CPNE9: variants seen among roughly 807,000 people sequenced by gnomAD.
The protein encoded by CPNE9 is copine-9.
Under a neutral mutation model 83.0 loss-of-function variants are expected in CPNE9, and 59 were observed. The ratio of observed to expected loss-of-function variants is 0.71; its 90% confidence interval spans 0.58 to 0.88. CPNE9 has a LOEUF of 0.88. Among genes scored for constraint, CPNE9 ranks in the 40% least tolerant of loss-of-function variants. The probability of loss-of-function intolerance (pLI) is 0.00; values close to 1 mark genes in which losing one functional copy is unlikely to be tolerated. For synonymous variants in CPNE9, 256 were observed against 273.4 expected (o/e 0.94, Z 0.63); for missense variants, 619 against 720.8 (o/e 0.86, Z 1.62).
intron 17 of CPNE9, among the ~76,000 whole-genome samples, chr3:9,722,834 T>C (rs1286898619): frequency 6.6e-6 from 1 of 152,140 alleles, no homozygotes; most frequent in African/African-American, 2.4e-5. Flanking sequence ...TAGTTCTACA[T>C]GTAACTCCTC....
At chr3:9,725,896 T>C in intron 17 of CPNE9, 53 bp from the exon 18 acceptor site, 1 of 1,373,264 alleles carries the variant, frequency 7.3e-7, no homozygotes, top group Non-Finnish European at 1.0e-6. Context: ...GGGTAAGGTG[T>C]TCCCTTGGCC....
intron 10 of CPNE9, among the ~76,000 whole-genome samples, 173 bp from the exon 11 acceptor site, chr3:9,714,741 C>T (rs1016805351): frequency 1.3e-5 from 2 of 149,684 alleles, no homozygotes. Flanking sequence ...TGGTTGGGTA[C>T]AGGCACAGAC....
intron 10 of CPNE9, 25 bp downstream of exon 10, chr3:9,713,104 G>A (rs759542389): frequency 3.8e-6 from 6 of 1,559,110 alleles, no homozygotes; most frequent in Non-Finnish European, 4.4e-6. Context: ...AAGCTGGGGA[G>A]TAAGGAGCCA....
At chr3:9,712,681 A>G in intron 8 of CPNE9, 44 bp from the exon 9 acceptor site, 1 of 1,607,008 alleles carries the variant, frequency 6.2e-7, no homozygotes, top group Non-Finnish European at 8.5e-7. Flanking sequence ...TCTGAAGGCT[A>G]TGGACAATTG....
At chr3:9,724,222 G>A (rs1219402926) in intron 17 of CPNE9, among the ~76,000 whole-genome samples, 1 of 142,844 alleles carries the variant, frequency 7.0e-6, no homozygotes, top group Admixed American at 7.1e-5. Context: ...GCAAAATAAA[G>A]GGACTGGACT....
At chr3:9,711,296 G>A (rs997872058) in intron 7 of CPNE9, among the ~76,000 whole-genome samples, 8 of 152,176 alleles carry the variant, frequency 5.3e-5, no homozygotes, top group South Asian at 4.2e-4. Flanking sequence ...TCTGCTTCCC[G>A]GGTTCAAGCG....
Position 9,716,044 on chromosome 3 carries a change from C to T in CPNE9, c.884+9C>T, listed in dbSNP as rs997633501. ...GATTACATCAAGGGAGGGTGAGTCA[C>T]AGGCCAAGCTCTGGGCTGAAAGCCC... is the stretch of plus-strand genomic sequence containing the variant. On this transcript the variant is annotated intron_variant, in intron 14 of 20. Transcript: ENST00000383832. 2 of 1,605,822 alleles carry T rather than the reference C, an allele frequency of 1.2e-6. No homozygotes were observed. The highest frequency in any genetic ancestry group is 3.4e-5 in the Admixed American group (2 of 59,110).
intron 9 of CPNE9, 31 bp from the exon 10 acceptor site, chr3:9,712,944 A>C (rs570939905): frequency 1.3e-6 from 2 of 1,597,630 alleles, no homozygotes; most frequent in South Asian, 2.2e-5. Flanking sequence ...GCACGAGATA[A>C]ATTATACCAA....
At chr3:9,721,737 G>T (rs537290886) in intron 17 of CPNE9, among the ~76,000 whole-genome samples, 1 of 152,160 alleles carries the variant, frequency 6.6e-6, no homozygotes, top group African/African-American at 2.4e-5. Context: ...AGTGCGCACT[G>T]TGTACAGAGG....
chr3:9,716,097 C>A, intron 14 of CPNE9, 62 bp downstream of exon 14: 1 of 1,445,268 alleles, frequency 6.9e-7, no homozygotes, highest in Non-Finnish European at 9.6e-7. Flanking sequence ...AGTTCTGAGC[C>A]CCAGGTTTCT....
At chr3:9,714,592 T>A (rs2076660618) in intron 10 of CPNE9, among the ~76,000 whole-genome samples, 1 of 140,532 alleles carries the variant, frequency 7.1e-6, no homozygotes. Context: ...AGACAATCTG[T>A]GAATGTGCTG....
chr3:9,714,381 T>C (rs1323634126), intron 10 of CPNE9, among the ~76,000 whole-genome samples: 1 of 152,034 alleles, frequency 6.6e-6, no homozygotes, highest in Non-Finnish European at 1.5e-5. Flanking sequence ...TACTGATAGG[T>C]AGACATATGG....
In CPNE9 at chr3:9,727,371, TC is replaced by T. The variant is rs2125477638; in HGVS notation, c.1476+187del. On this transcript the variant is annotated intron_variant, in intron 20 of 20. Coordinates refer to ENST00000383832, the MANE Select transcript of CPNE9 (RefSeq NM_153635.3). ...GGAAGGTTGCTGCAGCCTTGGCACA[TC>T]CGTGGTGTAGGTCGGGAGGTCCCCA... 3.9e-6 allele frequency: 3 copies of T among 764,644 alleles called. No homozygotes were observed. The South Asian group carries it at 4.4e-5, about 11-fold the overall frequency. 47.4% of individuals were successfully genotyped at this position (764,644 alleles called of 1,614,324 possible).
chr3:9,727,393 C>T (rs2076794346), intron 20 of CPNE9: 1 of 720,194 alleles, frequency 1.4e-6, no homozygotes, highest in Admixed American at 2.0e-5. Flanking sequence ...GTCGGGAGGT[C>T]CCCAAGGCCC....
Position 9,712,541 on chromosome 3 carries a change from G to C in CPNE9, c.378G>C (p.Thr126=), listed in dbSNP as rs747173401. The change falls in exon 8 of 21, where the codon ACG becomes ACC. Residue 126 remains threonine, a splice_region_variant and synonymous_variant. Transcript: ENST00000383832. ...ACTAAGAGGCTTTTTCTGCTTCCAGGGGTGTACCAGGCAAGAAGTGTGGGA... is the reference window on the plus strand; with the variant it reads ...ACTAAGAGGCTTTTTCTGCTTCCAGCGGTGTACCAGGCAAGAAGTGTGGGA... ...GQGSRVERTL[T]GVPGKKCGTI... 1.2e-6 allele frequency: 2 copies of C among 1,613,874 alleles called. No homozygotes were observed. The highest frequency in any genetic ancestry group is 1.7e-6 in the Non-Finnish European group (2 of 1,179,896).
intron 4 of CPNE9, 44 bp from the exon 5 acceptor site, chr3:9,705,420 C>CAAAA: frequency 7.0e-6 from 4 of 568,820 alleles, no homozygotes; most frequent in Non-Finnish European, 1.3e-5. Context: ...TCCACCCTCT[C>CAAAA]CCCCACCCAG....
chr3:9,705,082 C>A lies in CPNE9; in HGVS notation c.260+88C>A, dbSNP rs985556706. On this transcript the variant is annotated intron_variant, in intron 4 of 20. Coordinates refer to ENST00000383832, the MANE Select transcript of CPNE9 (RefSeq NM_153635.3). Reference sequence around the variant, plus strand: ...GCTGGCCCCACCCCCGCCTCGCCTCCGGCCTGGTTCTTCTCGCAGGCCTCC... The same window carrying A: ...GCTGGCCCCACCCCCGCCTCGCCTCAGGCCTGGTTCTTCTCGCAGGCCTCC... 266 of 972,072 alleles carry A rather than the reference C, an allele frequency of 2.7e-4. 1 individual carries two copies. The highest frequency in any genetic ancestry group is 3.1e-4 in the Middle Eastern group (1 of 3,256). The allele number at this position is 972,072 out of a possible 1,614,324, so 60.2% of individuals were successfully genotyped here.
At position 9,704,712 on chromosome 3, in the gene CPNE9, C is replaced by A; in HGVS notation, c.110-37C>A. The A allele has an allele frequency of 6.2e-7, 1 of 1,611,566 alleles. No homozygotes were observed. The highest frequency in any genetic ancestry group is 1.1e-5 in the South Asian group (1 of 91,036). ...TGGAGTCGGGGCCAGGGGTGGGAGC[C>A]GACCTGACGTCCTTCCCTCCCCGCC... On this transcript the variant is annotated intron_variant, in intron 2 of 20. Transcript: ENST00000383832. This position sits in a 1 kb window ranked among gnomAD's most constrained non-coding sequence, Gnocchi z 7.1.
chr3:9,710,830 G>A (rs1202658516), intron 7 of CPNE9, among the ~76,000 whole-genome samples: 1 of 152,132 alleles, frequency 6.6e-6, no homozygotes, highest in Non-Finnish European at 1.5e-5. Flanking sequence ...TTCAAGACCA[G>A]TCTGGGTAAC....
Sources: gnomAD v4.1 joint callset for allele counts (sites outside exome capture counted in the v4.1 genomes callset) on GRCh38, gnomAD v4.1.1 for gene constraint, Gnocchi (gnomAD v3.1) non-coding constraint, MANE v1.5 for transcripts, NCBI Gene and HGNC (gene_info 2026-07-23, HGNC 2026-07-21) for gene names.